The following LRRTM4 variants were observed in gnomAD, a reference collection of about 807,000 sequenced individuals.
LRRTM4 encodes leucine-rich repeat transmembrane neuronal protein 4.
A neutral mutation model predicts 47.6 loss-of-function variants in LRRTM4; 25 were observed. That is an observed-to-expected ratio of 0.53 (90% CI 0.38 to 0.73). LRRTM4 has a LOEUF of 0.73. Among genes scored for constraint, LRRTM4 ranks in the 30% least tolerant of loss-of-function variants. LRRTM4 has a pLI of 0.00. For synonymous variants in LRRTM4, 311 were observed against 269.5 expected, an observed-to-expected ratio of 1.15 and a Z score of -1.51; for missense variants, 638 against 713.4, an observed-to-expected ratio of 0.89 and a Z score of 1.20.
At chr2:77,121,876 G>A (rs987564791) in intron 3 of LRRTM4, among the ~76,000 whole-genome samples, 2 of 151,808 alleles carry the variant, frequency 1.3e-5, no homozygotes, top group African/African-American at 4.8e-5. Flanking sequence ...GGATCTTCAA[G>A]TGTAATAACT....
intron 3 of LRRTM4, among the ~76,000 whole-genome samples, chr2:77,178,297 CTT>C (rs1673253310): frequency 6.6e-6 from 1 of 152,026 alleles, no homozygotes; most frequent in Non-Finnish European, 1.5e-5. Flanking sequence ...ACATTTAAAA[CTT>C]TATTTCTGCT....
At chr2:77,171,138 G>T (rs142288317) in intron 3 of LRRTM4, among the ~76,000 whole-genome samples, 1 of 151,990 alleles carries the variant, frequency 6.6e-6, no homozygotes, top group Non-Finnish European at 1.5e-5. Flanking sequence ...AAATAAGTTT[G>T]GGAGATAATT....
At chr2:76,959,153 T>A (rs78787252) in intron 3 of LRRTM4, among the ~76,000 whole-genome samples, 5,714 of 151,812 alleles carry the variant, frequency 0.038, 245 homozygotes, top group East Asian at 0.14. Context: ...TTAAATTTAA[T>A]GTCTTTTCGT....
chr2:77,011,717 G>T (rs1346123716), intron 3 of LRRTM4, among the ~76,000 whole-genome samples: 1 of 152,052 alleles, frequency 6.6e-6, no homozygotes, highest in Non-Finnish European at 1.5e-5. Flanking sequence ...ATGTGGTTGA[G>T]ATGTTAACTC....
intron 3 of LRRTM4, among the ~76,000 whole-genome samples, chr2:77,486,422 G>T (rs1677911816): frequency 6.6e-6 from 1 of 151,966 alleles, no homozygotes. Context: ...TCTTTCAATT[G>T]GAATGTAATG....
At chr2:77,438,933 C>T (rs1270201959) in intron 3 of LRRTM4, among the ~76,000 whole-genome samples, 1 of 152,102 alleles carries the variant, frequency 6.6e-6, no homozygotes, top group African/African-American at 2.4e-5. Flanking sequence ...GTTATGGGGG[C>T]ATACTGCAAT....
chr2:76,840,776 C>T (rs1051448511), intron 3 of LRRTM4, among the ~76,000 whole-genome samples: 1 of 152,062 alleles, frequency 6.6e-6, no homozygotes, highest in African/African-American at 2.4e-5. Flanking sequence ...CAGGAAACAA[C>T]AGGTGCTGGA....
rs141148591 is a variant in LRRTM4, at chr2:77,022,319, A to G, written c.1552-273403T>C. Among the ~76,000 whole-genome samples the G allele has an allele frequency of 3.9e-3, 587 of 152,274 alleles. 7 individuals are homozygous for G. The highest frequency in any genetic ancestry group is 0.012 in the African/African-American group (516 of 41,558). ...GGGAATTATGGGAGTATAAATCAAA[A>G]TGAGATTTGGATGGGGACACAGAGC... On this transcript the variant is annotated intron_variant, in intron 3 of 3. Coordinates refer to ENST00000409884, the MANE Select transcript of LRRTM4 (RefSeq NM_001134745.3).
At chr2:77,275,805 G>A (rs1676329925) in intron 3 of LRRTM4, among the ~76,000 whole-genome samples, 1 of 151,790 alleles carries the variant, frequency 6.6e-6, no homozygotes. Context: ...AAATCAAAGA[G>A]ATAAATAATA....
intron 3 of LRRTM4, among the ~76,000 whole-genome samples, chr2:77,030,217 G>C (rs994206405): frequency 6.6e-6 from 1 of 152,148 alleles, no homozygotes; most frequent in Admixed American, 6.5e-5. Context: ...GAGATCACGA[G>C]GTCAGGAGAT....
At chr2:77,504,858 T>C (rs12713916) in intron 3 of LRRTM4, among the ~76,000 whole-genome samples, 63,336 of 151,088 alleles carry the variant, frequency 0.42, 13,674 homozygotes, top group African/African-American at 0.5. Context: ...TAGGAAACTA[T>C]AGTTTAACAT....
chr2:77,367,635 TTC>T (rs1484939570), intron 3 of LRRTM4, among the ~76,000 whole-genome samples: 1 of 151,878 alleles, frequency 6.6e-6, no homozygotes, highest in East Asian at 1.9e-4. Context: ...CCAAGGATAT[TTC>T]TGTTTCCAGG....
intron 2 of LRRTM4, among the ~76,000 whole-genome samples, chr2:77,521,082 C>T (rs1679473683): frequency 1.3e-5 from 2 of 151,716 alleles, no homozygotes. Context: ...TGCTCTCTGT[C>T]CTCTTGCCAG....
intron 3 of LRRTM4, among the ~76,000 whole-genome samples, chr2:77,092,992 T>C (rs538893916): frequency 6.8e-6 from 1 of 146,824 alleles, no homozygotes; most frequent in East Asian, 2.0e-4. Context: ...GTCCTCAGAA[T>C]GCTACAGGGT....
At chr2:76,771,890 G>A (rs1673727994) in intron 3 of LRRTM4, among the ~76,000 whole-genome samples, 1 of 152,064 alleles carries the variant, frequency 6.6e-6, no homozygotes, top group Admixed American at 6.6e-5. Context: ...CACCTACCCA[G>A]GTGATTTTTG....
chr2:76,906,519 A>G (rs1166974372), intron 3 of LRRTM4, among the ~76,000 whole-genome samples: 1 of 152,142 alleles, frequency 6.6e-6, no homozygotes, highest in East Asian at 1.9e-4. Context: ...ATGTAAATGG[A>G]CTAAATGCTC....
At chr2:77,308,090 G>GATATAT (rs917780339) in intron 3 of LRRTM4, among the ~76,000 whole-genome samples, 1 of 137,542 alleles carries the variant, frequency 7.3e-6, no homozygotes, top group African/African-American at 2.7e-5. Context: ...TAGATATATA[G>GATATAT]ATATATATGT....
At chr2:77,161,498 C>T (rs1357135663) in intron 3 of LRRTM4, among the ~76,000 whole-genome samples, 2 of 152,154 alleles carry the variant, frequency 1.3e-5, no homozygotes, top group Non-Finnish European at 2.9e-5. Context: ...TACTTGTTGT[C>T]TCAGTGTTTG....
chr2:76,803,702 C>T (rs575763501), intron 3 of LRRTM4, among the ~76,000 whole-genome samples: 59 of 152,242 alleles, frequency 3.9e-4, no homozygotes, highest in Non-Finnish European at 7.1e-4. Context: ...ATGCTATCCT[C>T]ATAAGATCCT....
Sources: allele counts gnomAD v4.1 joint callset (sites outside exome capture counted in the v4.1 genomes callset), GRCh38; gene constraint gnomAD v4.1.1; transcripts MANE v1.5; gene names NCBI Gene and HGNC (gene_info 2026-07-23, HGNC 2026-07-21).